VPS13C: variants seen among roughly 807,000 people sequenced by gnomAD.
VPS13C encodes the protein intermembrane lipid transfer protein VPS13C.
VPS13C carries 358 observed loss-of-function variants against 456.8 expected under a neutral mutation model. The ratio of observed to expected loss-of-function variants is 0.78; its 90% CI spans 0.72 to 0.86. VPS13C has a LOEUF of 0.86. Among genes scored for constraint, VPS13C ranks in the 40% least tolerant of loss-of-function variants. The probability of loss-of-function intolerance (pLI) is 0.00; values close to 1 mark genes in which losing one functional copy is unlikely to be tolerated. For synonymous variants in VPS13C, 1,578 were observed against 1,486.7 expected (o/e 1.06, Z -1.41); for missense variants, 4,818 against 4,385.4 (o/e 1.10, Z -2.79).
At chr15:62,029,704 T>C (rs374498109) in intron 5 of VPS13C, among the ~76,000 whole-genome samples, 2 of 152,074 alleles carry the variant, frequency 1.3e-5, no homozygotes, top group African/African-American at 4.8e-5. Flanking sequence ...CTCTCTAATT[T>C]TTCTGCTTTC....
At chr15:61,962,005 T>C in intron 34 of VPS13C, 112 bp from the exon 35 acceptor site, 1 of 1,177,072 alleles carries the variant, frequency 8.5e-7, no homozygotes. Context: ...TATTTAACTT[T>C]CCATTGAGCC....
chr15:62,010,171 C>A (rs992450811), intron 13 of VPS13C, among the ~76,000 whole-genome samples: 12 of 151,178 alleles, frequency 7.9e-5, no homozygotes, highest in Non-Finnish European at 1.5e-4. Context: ...GCCTGGGCAA[C>A]AGAGTGAGAC....
rs774702738 is a variant in VPS13C at position 61,950,949 on chromosome 15, G to C, written c.4532C>G (p.Thr1511Arg). The C allele has an allele frequency of 6.3e-7, 1 of 1,592,858 alleles. No homozygotes were observed. Among genetic ancestry groups the C allele is most frequent in the East Asian group, 2.2e-5 (1 of 44,534 alleles). The change falls in exon 40 of 85, where the codon ACA (threonine) becomes AGA (arginine). Residue 1511 changes from threonine to arginine, a missense_variant. Thr to Arg is a moderately conservative substitution (Grantham distance 71, BLOSUM62 -1). Transcript: ENST00000644861. ...TDEPLLKMLLTKADSDGPEFK... is the reference protein window; with the variant it reads ...TDEPLLKMLLRKADSDGPEFK... The stretch of plus-strand genomic sequence containing the variant: ...CCTAGAAATGAAACTAGTTACCTTT[G>C]TCAGTAACATTTTCAGAAGGGGTTC...
At chr15:61,969,164 T>G in intron 28 of VPS13C, 135 bp downstream of exon 28, 15 of 595,164 alleles carry the variant, frequency 2.5e-5, no homozygotes, top group Non-Finnish European at 3.8e-5. Context: ...AAGGATTAAA[T>G]GAGTTATTAC....
chr15:61,876,836 TGAA>T (rs563682292), intron 75 of VPS13C, 134 bp downstream of exon 75: 128 of 576,384 alleles, frequency 2.2e-4, no homozygotes, highest in African/African-American at 2.1e-3. Context: ...AATTAATCAT[TGAA>T]GAAAGCCACT....
intron 53 of VPS13C, among the ~76,000 whole-genome samples, chr15:61,924,246 T>G (rs552618232): frequency 6.6e-6 from 1 of 152,196 alleles, no homozygotes. Context: ...AACCTTTCCA[T>G]GCTCCCCATC....
intron 79 of VPS13C, among the ~76,000 whole-genome samples, chr15:61,871,569 CTT>C (rs34849197): frequency 6.6e-6 from 1 of 151,374 alleles, no homozygotes; most frequent in Non-Finnish European, 1.5e-5. Flanking sequence ...TTTTTCAAGA[CTT>C]TTTTTTTGGC....
intron 2 of VPS13C, among the ~76,000 whole-genome samples, chr15:62,043,533 G>A (rs1418691056): frequency 6.6e-6 from 1 of 152,196 alleles, no homozygotes; most frequent in Non-Finnish European, 1.5e-5. Context: ...TTGAACCTGG[G>A]AGGCGGAAGT....
In VPS13C at chr15:61,905,441, C is replaced by A. The variant is rs550835771; in HGVS notation, c.9105+1823G>T. 2.0e-5 allele frequency among the ~76,000 whole-genome samples: 3 copies of A among 152,174 alleles called. No individual in the cohort carries two copies. In the South Asian group the frequency reaches 6.2e-4, roughly 32 times the overall value. On this transcript the variant is annotated intron_variant, in intron 66 of 84. Coordinates refer to ENST00000644861, the MANE Select transcript of VPS13C (RefSeq NM_020821.3). ...TGTAATTTAATCTGAATGTTTTTAT[C>A]TTTTAATAGAATTTAAACCATTTTC...
intron 42 of VPS13C, among the ~76,000 whole-genome samples, chr15:61,948,415 C>T (rs894727475): frequency 6.6e-5 from 10 of 152,050 alleles, no homozygotes; most frequent in African/African-American, 9.7e-5. Context: ...GGCGTGGTGG[C>T]TCATGCCTGT....
rs773813586 is a variant in VPS13C, at chr15:61,983,922, T to C, written c.1812A>G (p.Thr604=). The change falls in exon 20 of 85, where the codon ACA becomes ACG. Residue 604 remains threonine, a synonymous_variant. Transcript: ENST00000644861. Reference sequence around the variant, plus strand: ...CAAATTTAATTTTAAGCAAGGATGATGTAGTGTCACCAATTGAAGCCACAA... The same window carrying C: ...CAAATTTAATTTTAAGCAAGGATGACGTAGTGTCACCAATTGAAGCCACAA... ...PSLVASIGDT[T]SSLLKIKFET... 1 of 1,614,162 alleles carries C rather than the reference T, an allele frequency of 6.2e-7. No homozygotes were observed. The highest frequency in any genetic ancestry group is 1.7e-5 in the Admixed American group (1 of 60,028).
At position 61,963,821 on chromosome 15, in the gene VPS13C, G is replaced by C. The variant is rs764575550; in HGVS notation, c.3331+14C>G. ...TATCTTTTCGCCAATTTTCAATGCC[G>C]TGTGAACTTTTACCTTGAATCTTGA... On this transcript the variant is annotated intron_variant, in intron 32 of 84. Coordinates refer to ENST00000644861, the MANE Select transcript of VPS13C (RefSeq NM_020821.3). The C allele has an allele frequency of 6.4e-7, 1 of 1,567,460 alleles. No homozygotes were observed.
chr15:61,897,559 G>C (rs28824309), intron 66 of VPS13C, among the ~76,000 whole-genome samples: 2 of 151,910 alleles, frequency 1.3e-5, no homozygotes, highest in East Asian at 3.9e-4. Context: ...AGAAAAAAGA[G>C]TAAAAAGAAA....
Position 61,931,140 on chromosome 15 carries a change from C to T in VPS13C, c.5988G>A (p.Lys1996=). The part of the protein sequence containing the change: ...DGSMNVSVKL[K]TCTLDDLREG... ...CTCTGAGATCATCAAGGGTGCATGT[C>T]TTAAGTTTAACGCTGACATTCATTG... Residue 1996 remains lysine, a synonymous_variant, in exon 50 of 85, where the codon AAG becomes AAA. Coordinates refer to ENST00000644861, the MANE Select transcript of VPS13C (RefSeq NM_020821.3). 6.2e-7 allele frequency: 1 copy of T among 1,614,098 alleles called. No homozygotes were observed. The highest frequency in any genetic ancestry group is 1.6e-4 in the Middle Eastern group (1 of 6,062).
intron 57 of VPS13C, 87 bp downstream of exon 57, chr15:61,919,980 C>T (rs1234824610): frequency 2.3e-6 from 3 of 1,283,152 alleles, no homozygotes; most frequent in Non-Finnish European, 3.1e-6. Flanking sequence ...CAGATATCTG[C>T]AGCAAAATGT....
rs767693554 is a variant in VPS13C at position 61,875,760 on chromosome 15, A to C, written c.10310T>G (p.Val3437Gly). 6.2e-7 allele frequency: 1 copy of C among 1,610,982 alleles called. No homozygotes were observed. ...FGLIRGLSEGVEALFYEPFQG... is the reference protein window; with the variant it reads ...FGLIRGLSEGGEALFYEPFQG... ...GAAGGGTTCATAGAATAAAGCTTCAACTCCTTCAGACAGACCTCTAATTAA... is the reference window on the plus strand; with the variant it reads ...GAAGGGTTCATAGAATAAAGCTTCACCTCCTTCAGACAGACCTCTAATTAA... The change falls in exon 76 of 85, where the codon GTT becomes GGT. Residue 3437 changes from valine (V) to glycine (G), a missense_variant. Physicochemically the swap from Val to Gly is moderately radical, Grantham distance 109. Coordinates refer to ENST00000644861, the MANE Select transcript of VPS13C (RefSeq NM_020821.3).
In VPS13C at chr15:61,990,992, A is replaced by C; in HGVS notation, c.1578+8T>G. 6.3e-7 allele frequency: 1 copy of C among 1,597,876 alleles called. No homozygotes were observed. The highest frequency in any genetic ancestry group is 8.6e-7 in the Non-Finnish European group (1 of 1,168,586). On this transcript the variant is annotated splice_region_variant and intron_variant, in intron 18 of 84. Coordinates refer to ENST00000644861, the MANE Select transcript of VPS13C (RefSeq NM_020821.3). ...GACAAAATTCCTTTAAACCACTTAA[A>C]TAATTACCTGCTTAGGTAAAGTTAG...
At chr15:62,052,725 T>C (rs1421521880) in intron 1 of VPS13C, among the ~76,000 whole-genome samples, 1 of 150,990 alleles carries the variant, frequency 6.6e-6, no homozygotes, top group Non-Finnish European at 1.5e-5. Context: ...TAGCTATTCA[T>C]TTCAAATGAA....
At chr15:61,943,914 TA>T (rs34088864) in intron 45 of VPS13C, among the ~76,000 whole-genome samples, 34 of 144,332 alleles carry the variant, frequency 2.4e-4, no homozygotes, top group Admixed American at 3.4e-4. Context: ...CCAGAATCTA[TA>T]AAAAAAAAAA....
Sources: gnomAD v4.1 joint callset for allele counts (sites outside exome capture counted in the v4.1 genomes callset) on GRCh38, gnomAD v4.1.1 for gene constraint, MANE v1.5 for transcripts, NCBI Gene and HGNC (gene_info 2026-07-23, HGNC 2026-07-21) for gene names.